SSH2: variants seen among roughly 807,000 people sequenced by gnomAD.
The protein encoded by SSH2 is protein phosphatase Slingshot homolog 2.
Under a neutral mutation model 135.2 loss-of-function variants are expected in SSH2, and 37 were observed. That is an observed-to-expected ratio of 0.27 (90% CI 0.21 to 0.36). The LOEUF (loss-of-function observed/expected upper bound fraction) is 0.36, where lower values mean the gene tolerates loss of function less well. Among genes scored for constraint, SSH2 ranks in the 10% least tolerant of loss-of-function variants. SSH2 has a pLI of 1.00. For missense variants in SSH2, 1,408 were observed against 1,765.3 expected (o/e 0.80, Z 3.63); for synonymous variants, 628 against 646.2 (o/e 0.97, Z 0.43).
chr17:29,632,041 A>C lies in SSH2; in HGVS notation c.3153T>G (p.Thr1051=). ...YTHIVTSPNH[T]GPGSEIATSE... is the part of the protein sequence containing the mutation. ...TGGTGGCTATTTCACTCCCTGGCCC[A>C]GTGTGATTGGGTGATGTAACTATGT... Residue 1051 remains threonine (T), a synonymous_variant, in exon 16 of 16, where the codon ACT becomes ACG. Coordinates refer to ENST00000540801, the MANE Select transcript of SSH2 (RefSeq NM_001282129.2). 6.2e-7 allele frequency: 1 copy of C among 1,614,164 alleles called. No individual in the cohort carries two copies. The highest frequency in any genetic ancestry group is 1.1e-5 in the South Asian group (1 of 91,086).
intron 3 of SSH2, among the ~76,000 whole-genome samples, chr17:29,737,650 G>C (rs892418068): frequency 5.9e-5 from 9 of 152,160 alleles, no homozygotes; most frequent in African/African-American, 2.2e-4. Flanking sequence ...CCTCAATCTT[G>C]TTCCTTTAAA....
At chr17:29,686,230 T>C (rs1185375694) in intron 5 of SSH2, among the ~76,000 whole-genome samples, 1 of 152,176 alleles carries the variant, frequency 6.6e-6, no homozygotes, top group Non-Finnish European at 1.5e-5. Context: ...ATTACACATA[T>C]ATTATATATA....
chr17:29,672,185 T>TA, intron 8 of SSH2, 56 bp from the exon 9 acceptor site: 1 of 1,376,022 alleles, frequency 7.3e-7, no homozygotes, highest in Middle Eastern at 2.4e-4. Context: ...CAAAGGCCAA[T>TA]AACCTGTGTA....
chr17:29,764,447 C>G (rs1567959616), intron 3 of SSH2, among the ~76,000 whole-genome samples: 1 of 152,214 alleles, frequency 6.6e-6, no homozygotes, highest in Non-Finnish European at 1.5e-5. Context: ...TGTCGGGAAA[C>G]AAGCCTCTAG....
At chr17:29,924,466 C>T (rs970583715) in intron 1 of SSH2, among the ~76,000 whole-genome samples, 2 of 152,168 alleles carry the variant, frequency 1.3e-5, no homozygotes, top group Admixed American at 6.5e-5. Context: ...CAATCCTGAT[C>T]GCTTAAATCA....
chr17:29,788,379 C>T (rs552292468), intron 3 of SSH2, among the ~76,000 whole-genome samples: 20 of 152,252 alleles, frequency 1.3e-4, no homozygotes, highest in African/African-American at 4.3e-4. Context: ...CATTGGTCTT[C>T]TATTTTCGGA....
At chr17:29,682,135 T>C (rs1350796757) in intron 6 of SSH2, among the ~76,000 whole-genome samples, 1 of 152,210 alleles carries the variant, frequency 6.6e-6, no homozygotes, top group Non-Finnish European at 1.5e-5. Flanking sequence ...GCATTCTTTC[T>C]GGTAAAGTTT....
chr17:29,700,051 T>C (rs939373798), intron 4 of SSH2, among the ~76,000 whole-genome samples: 5 of 152,188 alleles, frequency 3.3e-5, no homozygotes, highest in Non-Finnish European at 1.5e-5. Flanking sequence ...AAACAAGTAG[T>C]AGGGCAGCCA....
chr17:29,631,516 T>A lies in SSH2; in HGVS notation c.3678A>T (p.Leu1226Phe). 1 of 1,614,176 alleles carries A rather than the reference T, an allele frequency of 6.2e-7. No homozygotes were observed. Among genetic ancestry groups the A allele is most frequent in the Non-Finnish European group, 8.5e-7 (1 of 1,180,022 alleles). Reference protein sequence around the residue: ...ISKLGDNTGELQEKMDPLPVA... With the variant: ...ISKLGDNTGEFQEKMDPLPVA... ...CAGGCAATGGGTCCATTTTCTCCTG[T>A]AACTCCCCAGTGTTGTCACCAAGTT... Residue 1226 changes from leucine to phenylalanine, a missense_variant, in exon 16 of 16, where the codon TTA becomes TTT. By Grantham distance (22) the Leu-to-Phe change is conservative. Around this residue, in one of 3 missense-constraint regions of SSH2, gnomAD observed 1,080 missense variants for 1,144.5 expected, o/e 0.94. Transcript: ENST00000540801.
At chr17:29,654,892 C>T (rs1041499577) in intron 12 of SSH2, among the ~76,000 whole-genome samples, 10 of 152,162 alleles carry the variant, frequency 6.6e-5, no homozygotes, top group African/African-American at 2.4e-4. Context: ...TCCCCAGCAC[C>T]TAGCACTTTG....
intron 2 of SSH2, among the ~76,000 whole-genome samples, chr17:29,798,814 T>C (rs1364671972): frequency 1.3e-5 from 2 of 152,208 alleles, no homozygotes; most frequent in South Asian, 2.1e-4. Context: ...GTGTCCACCA[T>C]GTTACTATTT....
At chr17:29,894,370 C>T (rs1293686856) in intron 1 of SSH2, among the ~76,000 whole-genome samples, 1 of 151,858 alleles carries the variant, frequency 6.6e-6, no homozygotes, top group Non-Finnish European at 1.5e-5. Context: ...TTGGTATCCA[C>T]AGAGGATTGA....
chr17:29,695,945 T>C (rs2038708910), intron 4 of SSH2, among the ~76,000 whole-genome samples: 4 of 152,104 alleles, frequency 2.6e-5, no homozygotes, highest in Admixed American at 2.0e-4. Context: ...CCATAACTTT[T>C]AAAAAGCTAA....
intron 1 of SSH2, among the ~76,000 whole-genome samples, chr17:29,889,456 CA>C (rs1259394663): frequency 1.3e-5 from 2 of 151,546 alleles, no homozygotes; most frequent in African/African-American, 4.8e-5. Context: ...AACAAACAAA[CA>C]AAAAACCAAA....
intron 9 of SSH2, among the ~76,000 whole-genome samples, chr17:29,669,871 CT>C: frequency 6.6e-6 from 1 of 150,448 alleles, no homozygotes; most frequent in African/African-American, 2.4e-5. Flanking sequence ...AAAATCTTCT[CT>C]AATAAAATCT....
chr17:29,699,609 G>A (rs1479116331), intron 4 of SSH2, among the ~76,000 whole-genome samples: 3 of 152,182 alleles, frequency 2.0e-5, no homozygotes, highest in Non-Finnish European at 2.9e-5. Flanking sequence ...GAGTGTAGAA[G>A]TTTGACCAAA....
chr17:29,735,894 C>T (rs1251507850), intron 3 of SSH2, among the ~76,000 whole-genome samples: 4 of 151,400 alleles, frequency 2.6e-5, no homozygotes, highest in African/African-American at 9.7e-5. Context: ...CTCAGAAGTT[C>T]GAGACCAGCT....
At chr17:29,735,152 G>A (rs2040323254) in intron 3 of SSH2, among the ~76,000 whole-genome samples, 2 of 152,178 alleles carry the variant, frequency 1.3e-5, no homozygotes, top group East Asian at 1.9e-4. Context: ...TTATTTCAGT[G>A]TATTCATGAA....
At chr17:29,718,340 C>T (rs2039698282) in intron 3 of SSH2, among the ~76,000 whole-genome samples, 1 of 152,222 alleles carries the variant, frequency 6.6e-6, no homozygotes, top group Admixed American at 6.5e-5. Context: ...TCTTTAGCCA[C>T]ACTTATGGCT....
Sources: gnomAD v4.1 joint callset for allele counts (sites outside exome capture counted in the v4.1 genomes callset) on GRCh38, gnomAD v4.1.1 for gene constraint, gnomAD v4.1.1 regional missense constraint, MANE v1.5 for transcripts, NCBI Gene and HGNC (gene_info 2026-07-23, HGNC 2026-07-21) for gene names.